MLLT3: variants seen among roughly 807,000 people sequenced by gnomAD.
The protein encoded by MLLT3 is MLLT3 super elongation complex subunit, also known as protein AF-9.
Under a neutral mutation model 53.2 loss-of-function variants are expected in MLLT3, and 4 were observed. That is an observed-to-expected ratio of 0.08 (90% CI 0.04 to 0.17). The LOEUF is 0.17. Ranked by LOEUF, MLLT3 falls within the 10% of genes least tolerant of loss-of-function variation. MLLT3 has a pLI of 1.00. For missense variants in MLLT3, 569 were observed against 684.0 expected, an observed-to-expected ratio of 0.83 and a Z score of 1.87; for synonymous variants, 283 against 230.6, an observed-to-expected ratio of 1.23 and a Z score of -2.06.
At chr9:20,496,134 C>T (rs977331882) in intron 2 of MLLT3, among the ~76,000 whole-genome samples, 36 of 152,304 alleles carry the variant, frequency 2.4e-4, no homozygotes, top group African/African-American at 8.4e-4. Flanking sequence ...TAACCTACCA[C>T]AAAAGTGCTC....
At chr9:20,483,486 G>A (rs1192150967) in intron 2 of MLLT3, among the ~76,000 whole-genome samples, 1 of 151,520 alleles carries the variant, frequency 6.6e-6, no homozygotes, top group Non-Finnish European at 1.5e-5. Flanking sequence ...TCCCACCTCA[G>A]CCTCCCAAAA....
intron 10 of MLLT3, among the ~76,000 whole-genome samples, chr9:20,347,355 G>A (rs1820902953): frequency 6.6e-6 from 1 of 152,042 alleles, no homozygotes; most frequent in South Asian, 2.1e-4. Context: ...AAATATTTAA[G>A]GTATTCAATT....
chr9:20,534,400 G>C (rs1818424895), intron 2 of MLLT3, among the ~76,000 whole-genome samples: 1 of 152,126 alleles, frequency 6.6e-6, no homozygotes, highest in Non-Finnish European at 1.5e-5. Context: ...CTTTATATAA[G>C]CTATCAAACA....
At chr9:20,462,616 T>C (rs1164368320) in intron 2 of MLLT3, among the ~76,000 whole-genome samples, 1 of 152,052 alleles carries the variant, frequency 6.6e-6, no homozygotes, top group Admixed American at 6.6e-5. Context: ...CTTCTGCCAA[T>C]ACTCAAAACA....
At chr9:20,548,131 G>T (rs947201079) in intron 2 of MLLT3, among the ~76,000 whole-genome samples, 1 of 152,124 alleles carries the variant, frequency 6.6e-6, no homozygotes, top group African/African-American at 2.4e-5. Flanking sequence ...TCCATTAATT[G>T]AATCAAGCCT....
At position 20,585,625 on chromosome 9, in the gene MLLT3, A is replaced by T. The variant is rs115702130; in HGVS notation, c.193+35029T>A. ...CATTCTAATGGTATGTAGTGGTATC[A>T]TTGTTTTTGTTAATTTGCAATTCTC... On this transcript the variant is annotated intron_variant, in intron 2 of 10. Coordinates refer to ENST00000380338, the MANE Select transcript of MLLT3 (RefSeq NM_004529.4). Among the ~76,000 whole-genome samples, 233 of 152,302 alleles carry T rather than the reference A, an allele frequency of 1.5e-3. 1 individual carries two copies. Among genetic ancestry groups the T allele is most frequent in the African/African-American group, 5.4e-3 (226 of 41,560 alleles).
intron 2 of MLLT3, among the ~76,000 whole-genome samples, chr9:20,470,464 G>A (rs1211610363): frequency 1.3e-5 from 2 of 151,912 alleles, no homozygotes; most frequent in Non-Finnish European, 2.9e-5. Flanking sequence ...AACGTTTTTG[G>A]ACAATGATGC....
chr9:20,569,676 A>G (rs747612364), intron 2 of MLLT3, among the ~76,000 whole-genome samples: 2 of 152,156 alleles, frequency 1.3e-5, no homozygotes, highest in Non-Finnish European at 2.9e-5. Flanking sequence ...TGGTATTTAG[A>G]ACACCCAGTT....
rs567872731 is a variant in MLLT3 at position 20,592,840 on chromosome 9, A to G, written c.193+27814T>C. Among the ~76,000 whole-genome samples, 56 of 152,290 alleles carry G rather than the reference A, an allele frequency of 3.7e-4. 2 individuals carry two copies. The South Asian group carries it at 0.011, about 30-fold the overall frequency. On this transcript the variant is annotated intron_variant, in intron 2 of 10. Coordinates refer to ENST00000380338, the MANE Select transcript of MLLT3 (RefSeq NM_004529.4). ...CTATTCCAACATTCCAAGATCAAGAATCAGTTCCAAAACTATCCTGGGAAT... is the reference window on the plus strand; with the variant it reads ...CTATTCCAACATTCCAAGATCAAGAGTCAGTTCCAAAACTATCCTGGGAAT...
chr9:20,355,626 A>C (rs1354681998), intron 8 of MLLT3, among the ~76,000 whole-genome samples: 1 of 152,260 alleles, frequency 6.6e-6, no homozygotes, highest in Admixed American at 6.5e-5. Flanking sequence ...CTGAGGATTA[A>C]AAGGGAAGTA....
intron 4 of MLLT3, among the ~76,000 whole-genome samples, chr9:20,428,190 T>C (rs1479105984): frequency 2.0e-5 from 3 of 151,970 alleles, no homozygotes; most frequent in Non-Finnish European, 2.9e-5. Flanking sequence ...TTTTCAAATA[T>C]TGAAAGGAAG....
chr9:20,463,468 A>G (rs1005847882), intron 2 of MLLT3, among the ~76,000 whole-genome samples: 5 of 152,196 alleles, frequency 3.3e-5, no homozygotes, highest in African/African-American at 1.2e-4. Flanking sequence ...CGTATAACAA[A>G]TAAGCCAGCA....
intron 2 of MLLT3, among the ~76,000 whole-genome samples, chr9:20,475,515 AC>A (rs1216693697): frequency 1.3e-5 from 2 of 152,132 alleles, no homozygotes. Context: ...GTTTCATACA[AC>A]TGTCTACTAT....
intron 2 of MLLT3, among the ~76,000 whole-genome samples, chr9:20,528,365 G>A (rs746714680): frequency 5.9e-5 from 9 of 152,262 alleles, no homozygotes; most frequent in East Asian, 3.9e-4. Flanking sequence ...ATAGCACACC[G>A]CCAAAACCCA....
intron 2 of MLLT3, among the ~76,000 whole-genome samples, chr9:20,539,377 A>G (rs1391529273): frequency 1.3e-5 from 2 of 152,238 alleles, no homozygotes; most frequent in East Asian, 1.9e-4. Context: ...AGTGCTATAA[A>G]GAACTACCTG....
chr9:20,465,445 T>C (rs1419831725), intron 2 of MLLT3, among the ~76,000 whole-genome samples: 1 of 152,184 alleles, frequency 6.6e-6, no homozygotes, highest in Non-Finnish European at 1.5e-5. Context: ...TCTGACCCTT[T>C]TTCTCCAAAT....
At chr9:20,527,493 C>T (rs777466312) in intron 2 of MLLT3, among the ~76,000 whole-genome samples, 34 of 152,036 alleles carry the variant, frequency 2.2e-4, no homozygotes, top group Non-Finnish European at 4.0e-4. Context: ...TAATCACAAC[C>T]CTGTAATATA....
rs1392363715 is a variant in MLLT3, at chr9:20,621,014, C to CG, written c.13-181dup. ...CACACTCCACACCCCCAAATATACC[C>CG]GCCCGCCCGGCCCGGCTTGGCCCCA... On this transcript the variant is annotated intron_variant, in intron 1 of 10. Transcript: ENST00000380338. This position sits in a 1 kb window ranked among gnomAD's most constrained non-coding sequence, Gnocchi z 7.0. 2 of 774,824 alleles carry CG rather than the reference C, an allele frequency of 2.6e-6. No individual in the cohort carries two copies. Among genetic ancestry groups the CG allele is most frequent in the Admixed American group, 4.0e-5 (2 of 49,682 alleles). The allele number at this position is 774,824 out of a possible 1,614,324, so 48.0% of individuals were successfully genotyped here.
intron 4 of MLLT3, among the ~76,000 whole-genome samples, chr9:20,433,421 G>A (rs1823326182): frequency 6.6e-6 from 1 of 151,986 alleles, no homozygotes; most frequent in Non-Finnish European, 1.5e-5. Flanking sequence ...TAAGTCTGAG[G>A]AAAAATGGGA....
Sources: gnomAD v4.1 joint callset for allele counts (sites outside exome capture counted in the v4.1 genomes callset) on GRCh38, gnomAD v4.1.1 for gene constraint, Gnocchi (gnomAD v3.1) non-coding constraint, MANE v1.5 for transcripts, NCBI Gene and HGNC (gene_info 2026-07-23, HGNC 2026-07-21) for gene names.